CTIF: variants seen among roughly 807,000 people sequenced by gnomAD.
CTIF encodes cap binding complex dependent translation initiation factor.
CTIF carries 21 observed loss-of-function variants against 66.0 expected under a neutral mutation model. The ratio of observed to expected loss-of-function variants is 0.32; its 90% CI spans 0.23 to 0.46. CTIF has a LOEUF of 0.46. Ranked by LOEUF, CTIF falls within the 20% of genes least tolerant of loss-of-function variation. The pLI is 1.00. For missense variants in CTIF, 739 were observed against 812.7 expected (o/e 0.91, Z 1.10); for synonymous variants, 345 against 326.4 (o/e 1.06, Z -0.62).
chr18:48,576,051 C>A (rs1418629355), intron 1 of CTIF, among the ~76,000 whole-genome samples: 1 of 152,280 alleles, frequency 6.6e-6, no homozygotes, highest in Non-Finnish European at 1.5e-5. Flanking sequence ...AAGAACAATG[C>A]AGGCTTGTGG....
chr18:48,645,354 GAGA>G (rs2091010294), intron 3 of CTIF, among the ~76,000 whole-genome samples: 2 of 148,998 alleles, frequency 1.3e-5, no homozygotes, highest in Admixed American at 6.7e-5. Context: ...AGATAGGATA[GAGA>G]AGAAGGAAAA....
chr18:48,615,960 C>T (rs191599510), intron 1 of CTIF, among the ~76,000 whole-genome samples: 249 of 152,328 alleles, frequency 1.6e-3, no homozygotes, highest in Middle Eastern at 3.4e-3. Flanking sequence ...AATTCTGTCC[C>T]CTTTCTCGGC....
chr18:48,684,787 ATTATT>A (rs1490087864), intron 6 of CTIF, among the ~76,000 whole-genome samples: 5 of 152,152 alleles, frequency 3.3e-5, no homozygotes, highest in Non-Finnish European at 5.9e-5. Flanking sequence ...ATGTAATTTT[ATTATT>A]TTCTTAATTC....
chr18:48,764,846 C>G (rs1282792434), intron 9 of CTIF, among the ~76,000 whole-genome samples: 1 of 152,250 alleles, frequency 6.6e-6, no homozygotes, highest in South Asian at 2.1e-4. Flanking sequence ...GATCTGCGTT[C>G]TCAGACCTCC....
chr18:48,797,497 TG>T (rs1362766693), intron 9 of CTIF, among the ~76,000 whole-genome samples: 2 of 138,434 alleles, frequency 1.4e-5, no homozygotes, highest in Admixed American at 7.4e-5. Flanking sequence ...AGAAAAGGGG[TG>T]GGGGGGCAAG....
intron 10 of CTIF, among the ~76,000 whole-genome samples, chr18:48,855,822 G>A (rs1274149554): frequency 6.6e-6 from 1 of 152,226 alleles, no homozygotes; most frequent in Non-Finnish European, 1.5e-5. Context: ...GTACCTTCTT[G>A]GTTATGGATG....
chr18:48,567,428 T>C (rs1163133546), intron 1 of CTIF: 1 of 152,256 alleles, frequency 6.6e-6, no homozygotes, highest in Non-Finnish European at 1.5e-5. Flanking sequence ...ACTTGACTGG[T>C]CTTCTAATAG....
intron 1 of CTIF, among the ~76,000 whole-genome samples, chr18:48,574,320 C>T (rs947248501): frequency 6.6e-6 from 1 of 152,230 alleles, no homozygotes; most frequent in Non-Finnish European, 1.5e-5. Flanking sequence ...GCTCCCTCTC[C>T]CCCAGTTCTT....
intron 7 of CTIF, among the ~76,000 whole-genome samples, chr18:48,734,527 C>T (rs1350061519): frequency 6.6e-6 from 1 of 152,196 alleles, no homozygotes; most frequent in Non-Finnish European, 1.5e-5. Context: ...GATTGCACCA[C>T]TGCACTCTAG....
rs147104990 is a variant in CTIF, at chr18:48,758,266, T to C, written c.932T>C (p.Leu311Pro). Residue 311 changes from leucine to proline, a missense_variant, in exon 8 of 12, where the codon CTG becomes CCG. Leu to Pro is a moderately conservative substitution (Grantham distance 98). This residue lies in a region of CTIF where 529 missense variants were observed against 520.3 expected (regional missense o/e 1.02). Coordinates refer to ENST00000256413, the MANE Select transcript of CTIF (RefSeq NM_014772.3). Reference sequence around the variant, plus strand: ...CTGGCCCCGGTGGCTTCTGAGCGGCTGCCCCCACAGCAGTCAGGGGGGCCA... The same window carrying C: ...CTGGCCCCGGTGGCTTCTGAGCGGCCGCCCCCACAGCAGTCAGGGGGGCCA... The part of the protein sequence containing the change: ...DTLAPVASER[L>P]PPQQSGGPEV... 5.6e-6 allele frequency: 9 copies of C among 1,613,328 alleles called. No individual in the cohort carries two copies. Among genetic ancestry groups the C allele is most frequent in the African/African-American group, 2.7e-5 (2 of 74,880 alleles).
chr18:48,762,289 A>G (rs1909084436), intron 9 of CTIF, among the ~76,000 whole-genome samples: 1 of 152,190 alleles, frequency 6.6e-6, no homozygotes, highest in Admixed American at 6.5e-5. Context: ...CCCACCCCTG[A>G]TCATTGCTTC....
At chr18:48,781,051 A>G (rs1599032391) in intron 9 of CTIF, among the ~76,000 whole-genome samples, 1 of 152,114 alleles carries the variant, frequency 6.6e-6, no homozygotes, top group East Asian at 1.9e-4. Context: ...GCCTTCACGG[A>G]GCTTCTGGCT....
intron 3 of CTIF, among the ~76,000 whole-genome samples, chr18:48,639,865 A>C (rs1301027464): frequency 1.3e-5 from 2 of 152,066 alleles, no homozygotes. Context: ...GGGGACACCC[A>C]CCTGGGTTTC....
intron 3 of CTIF, among the ~76,000 whole-genome samples, chr18:48,643,662 A>G (rs2090973239): frequency 6.6e-6 from 1 of 152,204 alleles, no homozygotes; most frequent in South Asian, 2.1e-4. Context: ...GAGGGAGTCT[A>G]ACTTCTATGG....
At chr18:48,740,864 A>T (rs1367813379) in intron 7 of CTIF, among the ~76,000 whole-genome samples, 5 of 152,230 alleles carry the variant, frequency 3.3e-5, no homozygotes, top group African/African-American at 1.2e-4. Flanking sequence ...TGTAATATTT[A>T]TCTAGCCCTG....
At chr18:48,664,947 G>T (rs1174401900) in intron 5 of CTIF, among the ~76,000 whole-genome samples, 1 of 134,164 alleles carries the variant, frequency 7.5e-6, no homozygotes, top group Non-Finnish European at 1.6e-5. Flanking sequence ...TCGCTCTGTC[G>T]CCCAGGCCGG....
chr18:48,754,735 G>A (rs1446874263), intron 7 of CTIF, among the ~76,000 whole-genome samples: 1 of 152,268 alleles, frequency 6.6e-6, no homozygotes, highest in Non-Finnish European at 1.5e-5. Flanking sequence ...CAGCAAGGGT[G>A]AGCCTGAGAA....
intron 9 of CTIF, among the ~76,000 whole-genome samples, chr18:48,783,464 A>G (rs898311722): frequency 6.6e-5 from 10 of 152,158 alleles, no homozygotes; most frequent in Admixed American, 2.6e-4. Context: ...TACCAGTCCA[A>G]TAAATCTTGG....
intron 10 of CTIF, among the ~76,000 whole-genome samples, chr18:48,818,560 G>T (rs1248678288): frequency 6.6e-6 from 1 of 152,200 alleles, no homozygotes; most frequent in Admixed American, 6.5e-5. Flanking sequence ...CACGCATGGA[G>T]GTAGGGGATA....
Sources: allele counts gnomAD v4.1 joint callset (sites outside exome capture counted in the v4.1 genomes callset), GRCh38; gene constraint gnomAD v4.1.1; regional missense constraint gnomAD v4.1.1; transcripts MANE v1.5; gene names NCBI Gene and HGNC (gene_info 2026-07-23, HGNC 2026-07-21).